Variants in DLG2 observed in about 807,000 individuals in gnomAD.
The protein encoded by DLG2 is discs large MAGUK scaffold protein 2, also known as disks large homolog 2.
A neutral mutation model predicts 132.5 loss-of-function variants in DLG2; 45 were observed. The observed-to-expected ratio is 0.34, with a 90% CI of 0.27 to 0.44. The LOEUF is 0.44. Ranked by LOEUF, DLG2 falls within the 20% of genes least tolerant of loss-of-function variation. DLG2 has a pLI of 1.00. For missense variants in DLG2, 1,045 were observed against 1,196.9 expected, an observed-to-expected ratio of 0.87 and a Z score of 1.87; for synonymous variants, 424 against 419.6, an observed-to-expected ratio of 1.01 and a Z score of -0.13.
chr11:83,955,589 T>C (rs922228207), intron 14 of DLG2, among the ~76,000 whole-genome samples: 3 of 152,224 alleles, frequency 2.0e-5, no homozygotes, highest in Non-Finnish European at 4.4e-5. Flanking sequence ...ACCAATCAAA[T>C]GTTGCCTTTT....
intron 6 of DLG2, among the ~76,000 whole-genome samples, chr11:84,624,976 G>A (rs1032461716): frequency 6.9e-6 from 1 of 144,986 alleles, no homozygotes; most frequent in Admixed American, 6.9e-5. Context: ...TCCTGCCTCA[G>A]CCTCCTCCCA....
At chr11:84,762,312 G>C (rs888556026) in intron 6 of DLG2, 4 of 151,942 alleles carry the variant, frequency 2.6e-5, no homozygotes, top group Admixed American at 2.6e-4. Flanking sequence ...TATCTTCATG[G>C]TACTTTGCAC....
chr11:83,912,325 CCCAATGTGT>C (rs912971876), intron 15 of DLG2, among the ~76,000 whole-genome samples: 46 of 151,978 alleles, frequency 3.0e-4, no homozygotes, highest in African/African-American at 1.1e-3. Context: ...TGTTTGGGTC[CCCAATGTGT>C]CTGGACTACA....
intron 19 of DLG2, among the ~76,000 whole-genome samples, chr11:83,590,249 T>G (rs1203244732): frequency 1.3e-5 from 2 of 151,690 alleles, no homozygotes; most frequent in African/African-American, 4.9e-5. Context: ...AGTAAAGCTC[T>G]CCTCAGCAAA....
intron 7 of DLG2, among the ~76,000 whole-genome samples, chr11:84,530,429 A>T (rs549639660): frequency 6.6e-6 from 1 of 152,330 alleles, no homozygotes; most frequent in Admixed American, 6.5e-5. Context: ...TCCATTAACA[A>T]GCCAAAAAAC....
intron 18 of DLG2, among the ~76,000 whole-genome samples, chr11:83,720,378 T>G (rs574800177): frequency 6.0e-5 from 9 of 149,008 alleles, no homozygotes; most frequent in African/African-American, 2.2e-4. Context: ...CTAAAACCAT[T>G]TCTGTTTCTC....
intron 19 of DLG2, among the ~76,000 whole-genome samples, chr11:83,602,005 C>A (rs1482579175): frequency 6.6e-6 from 1 of 152,174 alleles, no homozygotes; most frequent in African/African-American, 2.4e-5. Context: ...TTGCCACAGA[C>A]CCCTCTTCCT....
chr11:85,529,132 G>T (rs957897097), intron 3 of DLG2, among the ~76,000 whole-genome samples: 1 of 152,184 alleles, frequency 6.6e-6, no homozygotes, highest in Admixed American at 6.5e-5. Flanking sequence ...ACACACAATT[G>T]TTGAGAGGTC....
intron 18 of DLG2, among the ~76,000 whole-genome samples, chr11:83,762,213 A>G (rs1162511314): frequency 1.3e-5 from 2 of 152,230 alleles, no homozygotes; most frequent in Non-Finnish European, 2.9e-5. Context: ...TAAATGTCTG[A>G]TTCTTTATTC....
chr11:84,839,538 CA>C (rs1566107744), intron 6 of DLG2, among the ~76,000 whole-genome samples: 1 of 152,092 alleles, frequency 6.6e-6, no homozygotes, highest in Non-Finnish European at 1.5e-5. Flanking sequence ...ATTGCCAAGA[CA>C]ATCCTAAGCA....
chr11:83,849,723 T>C (rs958314614), intron 16 of DLG2, among the ~76,000 whole-genome samples: 1 of 150,394 alleles, frequency 6.6e-6, no homozygotes, highest in African/African-American at 2.5e-5. Context: ...TTTTATGTGG[T>C]CTGGAAGTTT....
intron 11 of DLG2, among the ~76,000 whole-genome samples, chr11:84,045,420 A>G (rs1287048660): frequency 1.3e-5 from 2 of 151,792 alleles, no homozygotes; most frequent in South Asian, 2.1e-4. Flanking sequence ...CAATAGAGAT[A>G]AAACAAGTGT....
chr11:83,669,920 G>T (rs2076552768), intron 18 of DLG2, among the ~76,000 whole-genome samples: 1 of 152,218 alleles, frequency 6.6e-6, no homozygotes, highest in Non-Finnish European at 1.5e-5. Context: ...ATTTAAGAGG[G>T]AAAGATAGTT....
intron 2 of DLG2, among the ~76,000 whole-genome samples, chr11:85,613,280 A>G (rs2081125707): frequency 6.6e-6 from 1 of 152,140 alleles, no homozygotes; most frequent in Non-Finnish European, 1.5e-5. Flanking sequence ...AAATGAGCTC[A>G]ACTAACAACT....
intron 8 of DLG2, among the ~76,000 whole-genome samples, chr11:84,172,758 G>T (rs1383961735): frequency 6.6e-6 from 1 of 152,120 alleles, no homozygotes; most frequent in South Asian, 2.1e-4. Context: ...GGCCAGGCTG[G>T]TCTTGAACTC....
chr11:84,237,597 C>T (rs1157202325), intron 8 of DLG2, among the ~76,000 whole-genome samples: 1 of 152,176 alleles, frequency 6.6e-6, no homozygotes, highest in Admixed American at 6.5e-5. Context: ...TCCATTAATG[C>T]TGTTCATGAA....
rs1173805466 is a variant in DLG2, at chr11:83,689,924, TACATAAA to T, written c.1826-56606_1826-56600del. ...TATATTTATGTAAATATTATATATT[TACATAAA>T]TATATAATATATATTATATATATTT... On this transcript the variant is annotated intron_variant, in intron 18 of 27. Coordinates refer to ENST00000376104, the MANE Select transcript of DLG2 (RefSeq NM_001142699.3). 5.2e-3 allele frequency among the ~76,000 whole-genome samples: 748 copies of T among 144,274 alleles called. 3 individuals carry two copies. Among genetic ancestry groups the T allele is most frequent in the African/African-American group, 0.018 (710 of 39,412 alleles). 94.6% of individuals were successfully genotyped at this position (144,274 alleles called of 152,430 possible).
chr11:83,982,498 A>AT (rs2092885199), intron 11 of DLG2, among the ~76,000 whole-genome samples: 1 of 151,398 alleles, frequency 6.6e-6, no homozygotes, highest in Non-Finnish European at 1.5e-5. Flanking sequence ...AAAAAAAAAA[A>AT]AGAAAAGCTT....
chr11:85,399,928 A>T (rs2087871778), intron 3 of DLG2, among the ~76,000 whole-genome samples: 1 of 152,166 alleles, frequency 6.6e-6, no homozygotes, highest in Non-Finnish European at 1.5e-5. Context: ...AAAATTGACC[A>T]ATGGGATCTA....
Sources: allele counts gnomAD v4.1 joint callset (sites outside exome capture counted in the v4.1 genomes callset), GRCh38; gene constraint gnomAD v4.1.1; transcripts MANE v1.5; gene names NCBI Gene and HGNC (gene_info 2026-07-23, HGNC 2026-07-21).